Variants in PPM1K observed in about 807,000 individuals in gnomAD.
PPM1K encodes protein phosphatase, Mg2+/Mn2+ dependent 1K, also known as protein phosphatase Mn(2+)-dependent 1K.
A neutral mutation model predicts 32.6 loss-of-function variants in PPM1K; 19 were observed. The observed-to-expected ratio is 0.58, with a 90% CI of 0.41 to 0.86. The LOEUF (loss-of-function observed/expected upper bound fraction) is 0.86, where lower values mean the gene tolerates loss of function less well. PPM1K is among the 40% of genes least tolerant of loss of function. The pLI is 0.00. For missense variants in PPM1K, 362 were observed against 461.2 expected, an observed-to-expected ratio of 0.78 and a Z score of 1.97; for synonymous variants, 159 against 165.3, an observed-to-expected ratio of 0.96 and a Z score of 0.29.
chr4:88,276,162 C>A (rs577511158), intron 3 of PPM1K: 8 of 985,414 alleles, frequency 8.1e-6, no homozygotes, highest in South Asian at 9.4e-5. Flanking sequence ...TCTGAACTGA[C>A]CTTTACCACT....
At chr4:88,277,997 C>T in intron 2 of PPM1K, 147 bp downstream of exon 2, 1 of 657,756 alleles carries the variant, frequency 1.5e-6, no homozygotes, top group South Asian at 2.0e-5. Flanking sequence ...TAATAAATGG[C>T]ACACTTAAAC....
At chr4:88,270,898 C>A in intron 3 of PPM1K, 1 of 284,810 alleles carries the variant, frequency 3.5e-6, no homozygotes. Context: ...AATCAGCATT[C>A]ATTTTCATTT....
chr4:88,271,472 T>C (rs1419658715), intron 3 of PPM1K, among the ~76,000 whole-genome samples: 2 of 152,142 alleles, frequency 1.3e-5, no homozygotes, highest in African/African-American at 4.8e-5. Context: ...GTTTCTAAGG[T>C]TGAAAAAACT....
chr4:88,276,974 C>G, intron 3 of PPM1K, 169 bp downstream of exon 3: 1 of 661,686 alleles, frequency 1.5e-6, no homozygotes, highest in Middle Eastern at 2.6e-4. Flanking sequence ...AATTGGAGTT[C>G]CCAACAGCAT....
chr4:88,276,031 C>T (rs1731753445), intron 3 of PPM1K: 2 of 985,168 alleles, frequency 2.0e-6, no homozygotes, highest in Admixed American at 6.2e-5. Context: ...TAGTAAGGTT[C>T]TCAAAAAAAG....
chr4:88,266,293 G>C (rs1169841261), intron 5 of PPM1K, among the ~76,000 whole-genome samples: 1 of 152,238 alleles, frequency 6.6e-6, no homozygotes, highest in Non-Finnish European at 1.5e-5. Flanking sequence ...CTGATTAGTA[G>C]CATGCAAAGG....
At chr4:88,270,303 T>C (rs1731507942) in intron 3 of PPM1K, among the ~76,000 whole-genome samples, 1 of 152,252 alleles carries the variant, frequency 6.6e-6, no homozygotes, top group African/African-American at 2.4e-5. Context: ...CTTAATCTTT[T>C]ATAGTCATGC....
chr4:88,278,872 T>C lies in PPM1K; in HGVS notation c.-59-230A>G. The C allele has an allele frequency of 2.9e-6, 1 of 345,580 alleles. No individual in the cohort carries two copies. The allele number at this position is 345,580 out of a possible 1,614,324, so 21.4% of individuals were successfully genotyped here. ...GCTTCTAAGAACAGTGGATCAAAAA[T>C]GAATCGATTTTCCTACCGCATTCAC... On this transcript the variant is annotated intron_variant, in intron 1 of 6. Transcript: ENST00000608933. This position sits in a 1 kb window ranked among gnomAD's most constrained non-coding sequence, Gnocchi z 4.2.
chr4:88,274,180 C>T lies in PPM1K; in HGVS notation c.541+2963G>A, dbSNP rs568724800. On this transcript the variant is annotated intron_variant, in intron 3 of 6. Transcript: ENST00000608933. ...GCAATGCTGCTTCAGTAGGACTGAG[C>T]GGCACGCCTCTCTTTTATACCTAAA... is the stretch of plus-strand genomic sequence containing the variant. 1.4e-4 allele frequency among the ~76,000 whole-genome samples: 22 copies of T among 152,308 alleles called. 1 individual carries two copies. Among genetic ancestry groups the T allele is most frequent in the South Asian group, 6.2e-4 (3 of 4,826 alleles).
chr4:88,277,342 T>C, intron 2 of PPM1K, 99 bp from the exon 3 acceptor site: 1 of 777,808 alleles, frequency 1.3e-6, no homozygotes, highest in Non-Finnish European at 2.2e-6. Context: ...ACAACGGGCC[T>C]CAGGATTTTC....
At chr4:88,269,418 T>G (rs1731469589) in intron 3 of PPM1K, among the ~76,000 whole-genome samples, 1 of 152,242 alleles carries the variant, frequency 6.6e-6, no homozygotes. Flanking sequence ...AAGTGAGACA[T>G]GCCAAGGGTA....
At chr4:88,264,891 A>T in intron 6 of PPM1K, 110 bp downstream of exon 6, 1 of 1,106,474 alleles carries the variant, frequency 9.0e-7, no homozygotes, top group Non-Finnish European at 1.3e-6. Context: ...TGGAAATATT[A>T]TGGAATCAAG....
chr4:88,264,952 C>T, intron 6 of PPM1K, 49 bp downstream of exon 6: 1 of 1,577,368 alleles, frequency 6.3e-7, no homozygotes, highest in Non-Finnish European at 8.7e-7. Context: ...CCTGGACTGT[C>T]CTTTCCTTCC....
At chr4:88,263,464 G>A (rs192085187) in intron 6 of PPM1K, among the ~76,000 whole-genome samples, 2 of 152,034 alleles carry the variant, frequency 1.3e-5, no homozygotes, top group East Asian at 3.9e-4. Context: ...ATTGAGACAG[G>A]GTCTTATTCT....
intron 6 of PPM1K, among the ~76,000 whole-genome samples, chr4:88,264,432 T>C (rs1197494152): frequency 6.6e-6 from 1 of 152,224 alleles, no homozygotes; most frequent in Admixed American, 6.5e-5. Flanking sequence ...CCATTCTGAA[T>C]AACCAGAAGG....
At chr4:88,277,275 A>C (rs1054976447) in intron 2 of PPM1K, 32 bp from the exon 3 acceptor site, 1 of 1,441,204 alleles carries the variant, frequency 6.9e-7, no homozygotes, top group African/African-American at 1.4e-5. Flanking sequence ...AGCCTTAAAC[A>C]ATCATTTTAC....
At chr4:88,276,453 C>T (rs930972791) in intron 3 of PPM1K, 6 of 985,260 alleles carry the variant, frequency 6.1e-6, no homozygotes, top group Middle Eastern at 5.2e-4. Context: ...GCTGAATTTT[C>T]GTGAAATGGT....
intron 3 of PPM1K, among the ~76,000 whole-genome samples, chr4:88,270,649 C>T (rs1731524583): frequency 6.6e-6 from 1 of 152,078 alleles, no homozygotes. Flanking sequence ...TTGTTTAAAC[C>T]ATCTACAATA....
In PPM1K at chr4:88,268,803, T is replaced by C. The variant is rs1731441150; in HGVS notation, c.645A>G (p.Arg215=). The C allele has an allele frequency of 6.2e-7, 1 of 1,613,966 alleles. No individual in the cohort carries two copies. Among genetic ancestry groups the C allele is most frequent in the African/African-American group, 1.3e-5 (1 of 74,910 alleles). ...SVGDSRAILC[R]KGKPMKLTID... ...TGGTCAGCTTCATGGGTTTTCCTTT[T>C]CTACACAAAATAGCCCGGCTGTCCC... The change falls in exon 4 of 7, where the codon AGA becomes AGG. Residue 215 remains arginine (R), a synonymous_variant. Coordinates refer to ENST00000608933, the MANE Select transcript of PPM1K (RefSeq NM_152542.5).
Sources: allele counts gnomAD v4.1 joint callset (sites outside exome capture counted in the v4.1 genomes callset), GRCh38; gene constraint gnomAD v4.1.1; non-coding constraint Gnocchi (gnomAD v3.1); transcripts MANE v1.5; gene names NCBI Gene and HGNC (gene_info 2026-07-23, HGNC 2026-07-21).